SNTG2: variants seen among roughly 807,000 people sequenced by gnomAD.
The protein encoded by SNTG2 is syntrophin gamma 2.
SNTG2 carries 74 observed loss-of-function variants against 70.9 expected under a neutral mutation model. The observed-to-expected ratio is 1.04, with a 90% CI of 0.86 to 1.27. SNTG2 has a LOEUF of 1.27. Ranked by LOEUF, SNTG2 falls within the 50% of genes most tolerant of loss-of-function variation. The probability of loss-of-function intolerance (pLI) is 0.00; values close to 1 mark genes in which losing one functional copy is unlikely to be tolerated. For missense variants in SNTG2, 717 were observed against 690.7 expected (o/e 1.04, Z -0.43); for synonymous variants, 278 against 273.8 (o/e 1.02, Z -0.15).
At chr2:1,309,317 T>C (rs890729422) in intron 15 of SNTG2, among the ~76,000 whole-genome samples, 3 of 152,242 alleles carry the variant, frequency 2.0e-5, no homozygotes, top group Admixed American at 1.3e-4. Flanking sequence ...AACCTTTGGA[T>C]GCCCTCTGCA....
intron 6 of SNTG2, among the ~76,000 whole-genome samples, chr2:1,149,217 G>GAGAGACACACAC (rs1553339083): frequency 1.3e-5 from 2 of 149,046 alleles, no homozygotes; most frequent in African/African-American, 4.9e-5. Context: ...GTGAGAGAGA[G>GAGAGACACACAC]ACACACACAC....
intron 4 of SNTG2, among the ~76,000 whole-genome samples, chr2:1,121,507 G>A (rs149668388): frequency 3.9e-5 from 6 of 152,224 alleles, no homozygotes; most frequent in East Asian, 3.9e-4. Context: ...GTATTAGTCC[G>A]TTCTCACGCT....
At chr2:1,233,538 G>A (rs1398237125) in intron 9 of SNTG2, among the ~76,000 whole-genome samples, 1 of 152,188 alleles carries the variant, frequency 6.6e-6, no homozygotes, top group South Asian at 2.1e-4. Context: ...GCCGCAGGGT[G>A]CAGGGTTGAG....
intron 6 of SNTG2, among the ~76,000 whole-genome samples, chr2:1,151,556 G>A (rs1307381982): frequency 6.6e-6 from 1 of 152,096 alleles, no homozygotes; most frequent in Non-Finnish European, 1.5e-5. Flanking sequence ...CGATGCCCAC[G>A]TGCGCCCCTT....
rs112795339 is a variant in SNTG2 at position 1,175,680 on chromosome 2, C to A, written c.591+2497C>A. Among the ~76,000 whole-genome samples, 944 of 152,260 alleles carry A rather than the reference C, an allele frequency of 6.2e-3. 9 individuals are homozygous for A. The highest frequency in any genetic ancestry group is 0.01 in the Admixed American group (156 of 15,298). On this transcript the variant is annotated intron_variant, in intron 8 of 16. Transcript: ENST00000308624. ...TGTACAATTCCATTTGTCTGCAACA[C>A]CCTGTCCCCCAAGCCAGCACAGTTC...
chr2:1,001,925 C>G (rs1361043434), intron 1 of SNTG2, among the ~76,000 whole-genome samples: 1 of 151,878 alleles, frequency 6.6e-6, no homozygotes, highest in African/African-American at 2.4e-5. Context: ...ACATGTAGAT[C>G]AAGGAACAGA....
At chr2:957,710 TACTGAG>T (rs59010729) in intron 1 of SNTG2, among the ~76,000 whole-genome samples, 73 of 151,976 alleles carry the variant, frequency 4.8e-4, no homozygotes, top group African/African-American at 1.5e-3. Flanking sequence ...GCGAGACTGG[TACTGAG>T]ACTGAGACTG....
intron 7 of SNTG2, among the ~76,000 whole-genome samples, chr2:1,170,694 CTG>C (rs1671069678): frequency 6.6e-6 from 1 of 152,188 alleles, no homozygotes; most frequent in Non-Finnish European, 1.5e-5. Context: ...GGGAATATAT[CTG>C]TGTATACGGA....
At chr2:1,301,034 C>T (rs1211466420) in intron 14 of SNTG2, among the ~76,000 whole-genome samples, 1 of 152,132 alleles carries the variant, frequency 6.6e-6, no homozygotes, top group African/African-American at 2.4e-5. Flanking sequence ...AGAGGAAATT[C>T]TCCACCGACA....
rs537467808 is a variant in SNTG2, at chr2:1,076,393, A to G, written c.73-7125A>G. On this transcript the variant is annotated intron_variant, in intron 1 of 16. Coordinates refer to ENST00000308624, the MANE Select transcript of SNTG2 (RefSeq NM_018968.4). ...TTCTTCCAGCACCTGATATGCATTC[A>G]CTGATTCTCTCAATGCCAGCGATTC... Among the ~76,000 whole-genome samples, 14 of 152,192 alleles carry G rather than the reference A, an allele frequency of 9.2e-5. No homozygotes were observed. The South Asian group carries it at 2.5e-3, about 27-fold the overall frequency.
chr2:1,245,112 G>A (rs979004868), intron 11 of SNTG2, among the ~76,000 whole-genome samples: 8 of 129,174 alleles, frequency 6.2e-5, no homozygotes, highest in Non-Finnish European at 8.0e-5. Flanking sequence ...CACACTCTGG[G>A]GACTGTTGTC....
chr2:1,017,497 C>T (rs1558312972), intron 1 of SNTG2, among the ~76,000 whole-genome samples: 2 of 152,168 alleles, frequency 1.3e-5, no homozygotes, highest in African/African-American at 2.4e-5. Context: ...CATGTAGAGA[C>T]ACATACGTGC....
At chr2:975,215 C>A (rs112289292) in intron 1 of SNTG2, among the ~76,000 whole-genome samples, 2 of 151,790 alleles carry the variant, frequency 1.3e-5, no homozygotes, top group Admixed American at 1.3e-4. Flanking sequence ...AAACACCACA[C>A]GCTTGGACTC....
At chr2:1,162,083 A>AG (rs1209942626) in intron 6 of SNTG2, among the ~76,000 whole-genome samples, 1 of 151,660 alleles carries the variant, frequency 6.6e-6, no homozygotes, top group Non-Finnish European at 1.5e-5. Context: ...AAAAAAAAAA[A>AG]AAAAAAAAAA....
intron 6 of SNTG2, among the ~76,000 whole-genome samples, chr2:1,151,895 C>T (rs1669522329): frequency 6.6e-6 from 1 of 152,110 alleles, no homozygotes; most frequent in South Asian, 2.1e-4. Context: ...GAGCACTAAG[C>T]ATCAGAACTA....
At chr2:967,784 G>A (rs6548288) in intron 1 of SNTG2, among the ~76,000 whole-genome samples, 1 of 151,974 alleles carries the variant, frequency 6.6e-6, no homozygotes, top group Admixed American at 6.6e-5. Context: ...ATCCCAGCAC[G>A]TTGGGAGGCC....
At chr2:1,128,687 G>A (rs1159805934) in intron 4 of SNTG2, among the ~76,000 whole-genome samples, 1 of 151,968 alleles carries the variant, frequency 6.6e-6, no homozygotes, top group Non-Finnish European at 1.5e-5. Flanking sequence ...CCATGATATG[G>A]TGGAGGGTGA....
chr2:1,117,242 G>A (rs1029865424), intron 4 of SNTG2, among the ~76,000 whole-genome samples: 5 of 152,088 alleles, frequency 3.3e-5, no homozygotes, highest in Non-Finnish European at 7.4e-5. Context: ...TAATTCCAAA[G>A]GCACTTTAAG....
rs1659929758 is a variant in SNTG2, at chr2:950,901, C to G, written c.-96C>G. On this transcript the variant is annotated 5_prime_UTR_variant, in exon 1 of 17. Coordinates refer to ENST00000308624, the MANE Select transcript of SNTG2 (RefSeq NM_018968.4). ...CGGAGCCGGCAGAGGGGCGCGGGCG[C>G]GGACGCGGCGCCTGGCGGGGCCCTG... The G allele has an allele frequency of 1.9e-6, 1 of 513,758 alleles. No individual in the cohort carries two copies. Among genetic ancestry groups the G allele is most frequent in the African/African-American group, 2.0e-5 (1 of 49,012 alleles). 31.8% of individuals were successfully genotyped at this position (513,758 alleles called of 1,614,324 possible).
Sources: gnomAD v4.1 joint callset for allele counts (sites outside exome capture counted in the v4.1 genomes callset) on GRCh38, gnomAD v4.1.1 for gene constraint, MANE v1.5 for transcripts, NCBI Gene and HGNC (gene_info 2026-07-23, HGNC 2026-07-21) for gene names.